Variants in SPINK8 observed in about 807,000 individuals in gnomAD.
SPINK8 encodes the protein serine protease inhibitor Kazal-type 8.
In SPINK8, 12 loss-of-function variants were observed where a neutral mutation model predicts 14.4. That is an observed-to-expected ratio of 0.83 (90% CI 0.53 to 1.35). The LOEUF is 1.35. Ranked by LOEUF, SPINK8 falls within the 40% of genes most tolerant of loss-of-function variation. The probability of loss-of-function intolerance (pLI) is 0.00; values close to 1 mark genes in which losing one functional copy is unlikely to be tolerated. For synonymous variants in SPINK8, 32 were observed against 37.6 expected (o/e 0.85, Z 0.55); for missense variants, 103 against 117.0 (o/e 0.88, Z 0.55).
chr3:48,323,807 TC>T, intron 4 of SPINK8, among the ~76,000 whole-genome samples: 1 of 152,358 alleles, frequency 6.6e-6, no homozygotes, highest in Non-Finnish European at 1.5e-5. Flanking sequence ...TATTTCTTTT[TC>T]TTTTTCATAA....
At chr3:48,307,760 A>G (rs1010958731) in intron 7 of SPINK8, among the ~76,000 whole-genome samples, 6 of 152,032 alleles carry the variant, frequency 3.9e-5, no homozygotes. Flanking sequence ...ATGATAACCC[A>G]GACAGATGAG....
intron 5 of SPINK8, among the ~76,000 whole-genome samples, chr3:48,320,666 G>A (rs2036061199): frequency 6.6e-6 from 1 of 152,156 alleles, no homozygotes; most frequent in African/African-American, 2.4e-5. Flanking sequence ...ATACCTCATA[G>A]GGCCTTGGTG....
intron 5 of SPINK8, among the ~76,000 whole-genome samples, chr3:48,320,559 A>AG (rs1335487408): frequency 6.6e-6 from 1 of 152,122 alleles, no homozygotes; most frequent in East Asian, 1.9e-4. Flanking sequence ...AAAAAAAAAA[A>AG]AATTCTGATG....
chr3:48,332,908 T>C (rs761480295), intron 1 of SPINK8, among the ~76,000 whole-genome samples: 1 of 152,184 alleles, frequency 6.6e-6, no homozygotes, highest in African/African-American at 2.4e-5. Context: ...CACTCTGGGC[T>C]GAATTCTCCT....
In SPINK8 at chr3:48,328,334, C is replaced by G; in HGVS notation, c.8G>C (p.Gly3Ala). MK[G>A]ICSDAILVLA... ...AACAAGGATGGCGTCTGAGCAGATC[C>G]CCTTCATGGTGACAGAAGAACTGTG... is the stretch of plus-strand genomic sequence containing the variant. Residue 3 changes from glycine (G) to alanine (A), a missense_variant, in exon 4 of 8, where the codon GGG becomes GCG. Coordinates refer to ENST00000434006, the MANE Select transcript of SPINK8 (RefSeq NM_001080525.3). 6.2e-7 allele frequency: 1 copy of G among 1,610,666 alleles called. No individual in the cohort carries two copies.
At chr3:48,310,223 A>T (rs1158963060) in intron 6 of SPINK8, among the ~76,000 whole-genome samples, 2 of 152,196 alleles carry the variant, frequency 1.3e-5, no homozygotes, top group African/African-American at 2.4e-5. Flanking sequence ...AATGTGTCTT[A>T]AAGTTAAAAT....
chr3:48,329,002 G>A (rs774292608), intron 3 of SPINK8, among the ~76,000 whole-genome samples, 151 bp downstream of exon 3: 1 of 152,068 alleles, frequency 6.6e-6, no homozygotes, highest in Admixed American at 6.5e-5. Context: ...TTTAATTACT[G>A]GTTTCTATTC....
intron 7 of SPINK8, 143 bp from the exon 8 acceptor site, chr3:48,307,146 A>G: frequency 1.2e-6 from 1 of 804,364 alleles, no homozygotes; most frequent in East Asian, 2.8e-5. Context: ...AGACATTCTA[A>G]TTTCACTGGA....
At chr3:48,312,136 A>G (rs4404473) in intron 6 of SPINK8, among the ~76,000 whole-genome samples, 31,917 of 147,608 alleles carry the variant, frequency 0.22, 4,004 homozygotes, top group South Asian at 0.3. Flanking sequence ...CCTGTCTCCA[A>G]AAAAAAAAAA....
intron 7 of SPINK8, among the ~76,000 whole-genome samples, chr3:48,308,761 C>T (rs1183502884): frequency 6.6e-6 from 1 of 152,182 alleles, no homozygotes; most frequent in Non-Finnish European, 1.5e-5. Context: ...TCTTAGAACA[C>T]TTTGAACACC....
At chr3:48,322,566 C>G (rs1320228250) in intron 4 of SPINK8, among the ~76,000 whole-genome samples, 3 of 152,130 alleles carry the variant, frequency 2.0e-5, no homozygotes, top group African/African-American at 7.2e-5. Context: ...GAACTCCTGA[C>G]CTTAGGTGAT....
At chr3:48,310,026 T>C in intron 6 of SPINK8, 80 bp from the exon 7 acceptor site, 1 of 1,270,708 alleles carries the variant, frequency 7.9e-7, no homozygotes, top group Non-Finnish European at 1.0e-6. Flanking sequence ...TGATAATCTT[T>C]GGCTAAGTTT....
intron 7 of SPINK8, among the ~76,000 whole-genome samples, chr3:48,309,129 C>T (rs1474911975): frequency 2.0e-5 from 3 of 152,210 alleles, no homozygotes; most frequent in Non-Finnish European, 4.4e-5. Context: ...GAGATGGTGT[C>T]AGAAGACATT....
intron 6 of SPINK8, among the ~76,000 whole-genome samples, chr3:48,316,136 C>T (rs531449127): frequency 6.6e-6 from 1 of 152,060 alleles, no homozygotes; most frequent in Non-Finnish European, 1.5e-5. Flanking sequence ...TCAAGGGCAT[C>T]AACATATACA....
intron 2 of SPINK8, among the ~76,000 whole-genome samples, chr3:48,330,423 G>A (rs895529612): frequency 6.6e-6 from 1 of 152,138 alleles, no homozygotes; most frequent in African/African-American, 2.4e-5. Flanking sequence ...TGAGGCTGAG[G>A]CATGAGAATC....
intron 2 of SPINK8, among the ~76,000 whole-genome samples, 167 bp from the exon 3 acceptor site, chr3:48,329,441 G>A (rs2036186726): frequency 6.6e-6 from 1 of 152,136 alleles, no homozygotes; most frequent in Admixed American, 6.5e-5. Flanking sequence ...AGCTGTTCTT[G>A]CCAAAGCTGA....
chr3:48,313,029 C>T (rs1252061776), intron 6 of SPINK8, among the ~76,000 whole-genome samples: 1 of 148,214 alleles, frequency 6.7e-6, no homozygotes, highest in East Asian at 2.0e-4. Flanking sequence ...GCTAAAACTA[C>T]TAAACTCTTA....
chr3:48,310,809 T>G lies in SPINK8; in HGVS notation c.240-863A>C, dbSNP rs1418937945. On this transcript the variant is annotated intron_variant, in intron 6 of 7. Coordinates refer to ENST00000434006, the MANE Select transcript of SPINK8 (RefSeq NM_001080525.3). Reference sequence around the variant, plus strand: ...CCACTGCACCTGGCCTACCAAATATTTTTAAAAGATTTAGTACCAATCTTT... The same window carrying G: ...CCACTGCACCTGGCCTACCAAATATGTTTAAAAGATTTAGTACCAATCTTT... Among the ~76,000 whole-genome samples, 3 of 152,292 alleles carry G rather than the reference T, an allele frequency of 2.0e-5. No individual in the cohort carries two copies. In the East Asian group the frequency reaches 5.8e-4, roughly 29 times the overall value.
chr3:48,309,988 A>G (rs2035904269), intron 6 of SPINK8, 42 bp from the exon 7 acceptor site: 2 of 1,355,170 alleles, frequency 1.5e-6, no homozygotes, highest in Non-Finnish European at 1.9e-6. Context: ...GCTGTATGGT[A>G]TATCATAAAT....
Sources: allele counts gnomAD v4.1 joint callset (sites outside exome capture counted in the v4.1 genomes callset), GRCh38; gene constraint gnomAD v4.1.1; transcripts MANE v1.5; gene names NCBI Gene and HGNC (gene_info 2026-07-23, HGNC 2026-07-21).